The following CLNK variants were observed in gnomAD, a reference collection of about 807,000 sequenced individuals.
The protein encoded by CLNK is cytokine dependent hematopoietic cell linker.
Under a neutral mutation model 68.6 loss-of-function variants are expected in CLNK, and 74 were observed. That is an observed-to-expected ratio of 1.08 (90% CI 0.89 to 1.31). The LOEUF (loss-of-function observed/expected upper bound fraction) is 1.31. CLNK is among the 50% of genes most tolerant of loss of function. CLNK has a pLI of 0.00. For synonymous variants in CLNK, 198 were observed against 172.2 expected (o/e 1.15, Z -1.17); for missense variants, 553 against 515.3 (o/e 1.07, Z -0.71).
intron 4 of CLNK, among the ~76,000 whole-genome samples, chr4:10,582,716 T>C (rs1460899469): frequency 1.3e-5 from 2 of 152,180 alleles, no homozygotes; most frequent in African/African-American, 4.8e-5. Context: ...AGATTGTTTT[T>C]AGTATACAAA....
At chr4:10,591,778 A>G (rs931238033) in intron 3 of CLNK, among the ~76,000 whole-genome samples, 2 of 152,242 alleles carry the variant, frequency 1.3e-5, no homozygotes, top group Admixed American at 1.3e-4. Context: ...CTCAATCCAG[A>G]TGAAATTCAC....
intron 17 of CLNK, among the ~76,000 whole-genome samples, chr4:10,505,554 A>C (rs1391486535): frequency 1.3e-5 from 2 of 152,208 alleles, no homozygotes; most frequent in African/African-American, 4.8e-5. Flanking sequence ...GTCTAACATG[A>C]ATCTTGCTGG....
chr4:10,605,912 C>A (rs990477308), intron 2 of CLNK, among the ~76,000 whole-genome samples: 5 of 151,026 alleles, frequency 3.3e-5, no homozygotes, highest in Non-Finnish European at 7.4e-5. Context: ...ATGAAGCTTG[C>A]AGGACAGGAA....
chr4:10,690,109 A>G, the CLNK span, among the ~76,000 whole-genome samples: 7 of 152,164 alleles, frequency 4.6e-5, no homozygotes, highest in Non-Finnish European at 1.0e-4. Context: ...CATGGCTGCT[A>G]AGAAATAACT....
chr4:10,574,908 G>A (rs971530087), intron 4 of CLNK, among the ~76,000 whole-genome samples: 2 of 152,116 alleles, frequency 1.3e-5, no homozygotes, highest in Non-Finnish European at 2.9e-5. Context: ...AGTCAATCAC[G>A]ACCCTCTCAC....
At chr4:10,529,477 G>C (rs558192324) in intron 12 of CLNK, among the ~76,000 whole-genome samples, 6 of 152,306 alleles carry the variant, frequency 3.9e-5, no homozygotes, top group Admixed American at 3.3e-4. Flanking sequence ...AAATTGCTTA[G>C]AGAGGCATTG....
intron 11 of CLNK, 53 bp from the exon 12 acceptor site, chr4:10,532,336 G>C: frequency 6.9e-7 from 1 of 1,446,554 alleles, no homozygotes; most frequent in African/African-American, 1.4e-5. Context: ...TAATGACCAA[G>C]ATAAAATCAT....
the CLNK span, among the ~76,000 whole-genome samples, chr4:10,690,347 G>A: frequency 6.6e-6 from 1 of 152,160 alleles, no homozygotes; most frequent in South Asian, 2.1e-4. Context: ...GGGGCATTTT[G>A]AGGATAACAC....
chr4:10,550,549 C>T, intron 8 of CLNK, among the ~76,000 whole-genome samples: 1 of 152,028 alleles, frequency 6.6e-6, no homozygotes, highest in East Asian at 1.9e-4. Flanking sequence ...TTACAGCAGC[C>T]CTCCACTTAT....
chr4:10,664,177 A>C (rs1477184040), intron 2 of CLNK, among the ~76,000 whole-genome samples: 1 of 152,148 alleles, frequency 6.6e-6, no homozygotes, highest in Non-Finnish European at 1.5e-5. Context: ...GAATTATGAG[A>C]CATTATTCCA....
At chr4:10,599,334 G>T (rs1721500164) in intron 2 of CLNK, among the ~76,000 whole-genome samples, 1 of 152,164 alleles carries the variant, frequency 6.6e-6, no homozygotes, top group Admixed American at 6.5e-5. Flanking sequence ...CCATAGAATA[G>T]AACATAATAA....
At chr4:10,593,055 A>G (rs1990272) in intron 3 of CLNK, among the ~76,000 whole-genome samples, 111,956 of 152,044 alleles carry the variant, frequency 0.74, 41,926 homozygotes, top group East Asian at 0.92. Context: ...GAGCCCTTTG[A>G]GGACAACTCC....
intron 1 of CLNK, among the ~76,000 whole-genome samples, chr4:10,674,872 T>A (rs1724808093): frequency 6.6e-6 from 1 of 152,140 alleles, no homozygotes; most frequent in Non-Finnish European, 1.5e-5. Context: ...TTTCTGTTCC[T>A]GTGTCAGTTT....
At chr4:10,733,010 C>T in the CLNK span, among the ~76,000 whole-genome samples, 21,750 of 152,138 alleles carry the variant, frequency 0.14, 1,645 homozygotes, top group South Asian at 0.24. Context: ...GAAAGCACAA[C>T]CCAAGATTAA....
chr4:10,689,730 G>T (rs376827235), upstream of CLNK, among the ~76,000 whole-genome samples: 1 of 100,696 alleles, frequency 9.9e-6, no homozygotes, highest in Non-Finnish European at 2.3e-5. Context: ...TCCTGCAATG[G>T]ATCAAAACCC....
rs73228237 is a variant in CLNK, at chr4:10,590,772, C to T, written c.84-5817G>A. ...AGGAAGGATGGAAAGTTTCTGCATT[C>T]ATCACCTTCTTTCCTCTAGTTGAAC... On this transcript the variant is annotated intron_variant, in intron 3 of 18. Transcript: ENST00000226951. Among the ~76,000 whole-genome samples the T allele has an allele frequency of 2.0e-5, 3 of 152,164 alleles. No individual in the cohort carries two copies. In the South Asian group the frequency reaches 6.2e-4, roughly 32 times the overall value.
intron 16 of CLNK, among the ~76,000 whole-genome samples, chr4:10,511,604 C>G (rs1717586002): frequency 6.6e-6 from 1 of 152,116 alleles, no homozygotes; most frequent in Admixed American, 6.6e-5. Context: ...CCTTGTATTC[C>G]TGGAATCATA....
intron 8 of CLNK, among the ~76,000 whole-genome samples, chr4:10,551,419 G>C (rs1577123756): frequency 7.8e-6 from 1 of 127,838 alleles, no homozygotes. Context: ...TAATTTTTTT[G>C]TATATATATA....
intron 2 of CLNK, among the ~76,000 whole-genome samples, chr4:10,599,713 C>G (rs1354616420): frequency 6.6e-6 from 1 of 152,156 alleles, no homozygotes; most frequent in Non-Finnish European, 1.5e-5. Context: ...ACCCCTCCCC[C>G]TCTATCATTG....
Sources: gnomAD v4.1 joint callset for allele counts (sites outside exome capture counted in the v4.1 genomes callset) on GRCh38, gnomAD v4.1.1 for gene constraint, MANE v1.5 for transcripts, NCBI Gene and HGNC (gene_info 2026-07-23, HGNC 2026-07-21) for gene names.